The following XKR4 variants were observed in gnomAD, a reference collection of about 807,000 sequenced individuals.
The protein encoded by XKR4 is XK-related protein 4.
Under a neutral mutation model 53.9 loss-of-function variants are expected in XKR4, and 12 were observed. That is an observed-to-expected ratio of 0.22 (90% CI 0.14 to 0.36). The LOEUF is 0.36. Among genes scored for constraint, XKR4 ranks in the 10% least tolerant of loss-of-function variants. The probability of loss-of-function intolerance (pLI) is 1.00; values close to 1 mark genes in which losing one functional copy is unlikely to be tolerated. For missense variants in XKR4, 799 were observed against 859.5 expected (o/e 0.93, Z 0.88); for synonymous variants, 354 against 362.4 (o/e 0.98, Z 0.26).
At chr8:55,240,599 C>T (rs4376479) in intron 1 of XKR4, among the ~76,000 whole-genome samples, 76,090 of 151,834 alleles carry the variant, frequency 0.5, 21,921 homozygotes, top group Non-Finnish European at 0.66. Context: ...GAGGACAATA[C>T]GGAAAATAAA....
chr8:55,156,801 A>G (rs1230288506), intron 1 of XKR4, among the ~76,000 whole-genome samples: 1 of 152,238 alleles, frequency 6.6e-6, no homozygotes, highest in East Asian at 1.9e-4. Context: ...AAATCCTGTG[A>G]CATGCCCCCT....
chr8:55,457,431 C>T (rs534420681), intron 2 of XKR4, among the ~76,000 whole-genome samples: 3 of 152,256 alleles, frequency 2.0e-5, no homozygotes, highest in South Asian at 2.1e-4. Flanking sequence ...CGTGAGCCAC[C>T]GTGCCTGGCT....
intron 2 of XKR4, among the ~76,000 whole-genome samples, chr8:55,496,383 A>T (rs1563366485): frequency 1.3e-5 from 2 of 148,666 alleles, no homozygotes; most frequent in African/African-American, 5.1e-5. Flanking sequence ...TTTCTTTAAA[A>T]CAAAAAAAAA....
chr8:55,247,793 A>G (rs1674907038), intron 1 of XKR4, among the ~76,000 whole-genome samples: 1 of 149,330 alleles, frequency 6.7e-6, no homozygotes, highest in Admixed American at 6.7e-5. Context: ...CTCTTTCAGT[A>G]ACCAGTACAG....
intron 2 of XKR4, among the ~76,000 whole-genome samples, chr8:55,425,398 A>C (rs1276128976): frequency 2.5e-5 from 3 of 119,914 alleles, no homozygotes; most frequent in Non-Finnish European, 5.7e-5. Flanking sequence ...TGTTTCATTC[A>C]ACGCACTCTC....
At chr8:55,185,584 T>A (rs1352614249) in intron 1 of XKR4, among the ~76,000 whole-genome samples, 1 of 152,210 alleles carries the variant, frequency 6.6e-6, no homozygotes, top group Middle Eastern at 3.2e-3. Flanking sequence ...AAGCTTGAAC[T>A]TTTTATGAAA....
At chr8:55,260,230 A>G (rs1818503855) in intron 1 of XKR4, among the ~76,000 whole-genome samples, 1 of 152,208 alleles carries the variant, frequency 6.6e-6, no homozygotes. Flanking sequence ...TCTCTCAGAG[A>G]TCCAAAATTC....
At chr8:55,164,118 A>G (rs767643276) in intron 1 of XKR4, 2 of 445,542 alleles carry the variant, frequency 4.5e-6, no homozygotes, top group South Asian at 3.2e-5. Context: ...TTTTCAGCAG[A>G]CCACAGCCCC....
chr8:55,327,273 C>T (rs568123614), intron 1 of XKR4, among the ~76,000 whole-genome samples: 9 of 152,010 alleles, frequency 5.9e-5, no homozygotes, highest in African/African-American at 9.7e-5. Context: ...TTATTGAAGT[C>T]GCTAGGTTTT....
chr8:55,266,204 G>C (rs1818598601), intron 1 of XKR4, among the ~76,000 whole-genome samples: 1 of 151,460 alleles, frequency 6.6e-6, no homozygotes, highest in Non-Finnish European at 1.5e-5. Flanking sequence ...GGTGTGATGG[G>C]GCAACATGGG....
At chr8:55,198,905 T>C (rs1585933595) in intron 1 of XKR4, among the ~76,000 whole-genome samples, 1 of 152,222 alleles carries the variant, frequency 6.6e-6, no homozygotes, top group East Asian at 1.9e-4. Context: ...AATTTAGCCT[T>C]AACTTTAGCA....
intron 1 of XKR4, among the ~76,000 whole-genome samples, chr8:55,306,509 T>C (rs1471127728): frequency 6.6e-6 from 1 of 152,190 alleles, no homozygotes; most frequent in African/African-American, 2.4e-5. Context: ...GAAGCCTCAC[T>C]ATCATGGCGG....
At chr8:55,519,863 G>T (rs527266299) in intron 2 of XKR4, among the ~76,000 whole-genome samples, 1 of 152,356 alleles carries the variant, frequency 6.6e-6, no homozygotes, top group East Asian at 1.9e-4. Flanking sequence ...GAGAGAGACA[G>T]AGACAGAGAG....
intron 1 of XKR4, among the ~76,000 whole-genome samples, chr8:55,126,570 G>A (rs1401604204): frequency 2.0e-5 from 3 of 152,208 alleles, no homozygotes; most frequent in Non-Finnish European, 4.4e-5. Flanking sequence ...GGCAGTCATA[G>A]GGTAGAGGTG....
At chr8:55,149,880 T>C (rs142141051) in intron 1 of XKR4, among the ~76,000 whole-genome samples, 27 of 152,312 alleles carry the variant, frequency 1.8e-4, no homozygotes, top group African/African-American at 6.0e-4. Context: ...GCCTTGGCTA[T>C]TTATGGATAA....
chr8:55,380,092 G>A (rs377276480), intron 2 of XKR4, among the ~76,000 whole-genome samples: 15 of 152,344 alleles, frequency 9.8e-5, no homozygotes, highest in East Asian at 5.8e-4. Flanking sequence ...GTGGCAAAGG[G>A]AAATTGCCTG....
chr8:55,478,068 C>G (rs561306099), intron 2 of XKR4, among the ~76,000 whole-genome samples: 1 of 152,160 alleles, frequency 6.6e-6, no homozygotes, highest in East Asian at 1.9e-4. Context: ...CACAAAGATA[C>G]TCCTCGAGAA....
intron 2 of XKR4, among the ~76,000 whole-genome samples, chr8:55,367,665 A>T (rs751379808): frequency 1.3e-5 from 2 of 152,166 alleles, no homozygotes; most frequent in African/African-American, 2.4e-5. Flanking sequence ...AATTTTACCC[A>T]TGGGTTAGTA....
chr8:55,168,331 G>A (rs1399442265), intron 1 of XKR4, among the ~76,000 whole-genome samples: 1 of 152,164 alleles, frequency 6.6e-6, no homozygotes, highest in East Asian at 1.9e-4. Context: ...CAGAATGGAT[G>A]TTTTAAGTTG....
Sources: allele counts gnomAD v4.1 joint callset (sites outside exome capture counted in the v4.1 genomes callset), GRCh38; gene constraint gnomAD v4.1.1; transcripts MANE v1.5; gene names NCBI Gene and HGNC (gene_info 2026-07-23, HGNC 2026-07-21).